DENND1A: variants seen among roughly 807,000 people sequenced by gnomAD.
DENND1A encodes DENN domain-containing protein 1A.
In DENND1A, 51 loss-of-function variants were observed where a neutral mutation model predicts 113.7. That is an observed-to-expected ratio of 0.45 (90% CI 0.36 to 0.57). The LOEUF is 0.57. DENND1A is among the 20% of genes least tolerant of loss of function. DENND1A has a pLI of 0.00. For missense variants in DENND1A, 1,258 were observed against 1,395.9 expected (o/e 0.90, Z 1.57); for synonymous variants, 565 against 570.8 (o/e 0.99, Z 0.14).
chr9:123,877,943 T>C (rs912611289), intron 2 of DENND1A, among the ~76,000 whole-genome samples: 1 of 152,230 alleles, frequency 6.6e-6, no homozygotes, highest in Admixed American at 6.5e-5. Context: ...GCTATTCACT[T>C]TGTTCATTCT....
At chr9:123,590,430 C>T (rs865951021) in intron 11 of DENND1A, among the ~76,000 whole-genome samples, 1 of 152,152 alleles carries the variant, frequency 6.6e-6, no homozygotes, top group Admixed American at 6.5e-5. Flanking sequence ...TTAATCTCTA[C>T]CATCCACCAG....
chr9:123,902,184 CACACACACACACACACACACACAT>C (rs1471276857), intron 1 of DENND1A, among the ~76,000 whole-genome samples: 3 of 150,810 alleles, frequency 2.0e-5, no homozygotes, highest in Non-Finnish European at 4.4e-5. Flanking sequence ...TACACACACA[CACACACACACACACACACACACAT>C]ACACACACAC....
At chr9:123,682,489 A>G (rs1226539649) in intron 5 of DENND1A, among the ~76,000 whole-genome samples, 1 of 152,120 alleles carries the variant, frequency 6.6e-6, no homozygotes, top group East Asian at 1.9e-4. Flanking sequence ...GATTTTGCCA[A>G]CGTGTTTCCA....
intron 13 of DENND1A, among the ~76,000 whole-genome samples, chr9:123,490,692 A>G (rs548487071): frequency 2.2e-4 from 33 of 152,326 alleles, no homozygotes; most frequent in African/African-American, 7.0e-4. Flanking sequence ...AAAACAAGGT[A>G]AATTAATCTT....
intron 13 of DENND1A, among the ~76,000 whole-genome samples, chr9:123,507,016 T>C (rs993333077): frequency 1.3e-5 from 2 of 152,006 alleles, no homozygotes; most frequent in African/African-American, 4.8e-5. Flanking sequence ...TGAAACTCAG[T>C]CTCTACTAAA....
intron 11 of DENND1A, among the ~76,000 whole-genome samples, chr9:123,586,636 G>A (rs2059177812): frequency 6.6e-6 from 1 of 152,178 alleles, no homozygotes; most frequent in Admixed American, 6.5e-5. Context: ...GGACTCAAGG[G>A]CCTTCCTGAA....
At chr9:123,586,096 C>T (rs1174163715) in intron 11 of DENND1A, among the ~76,000 whole-genome samples, 1 of 152,080 alleles carries the variant, frequency 6.6e-6, no homozygotes, top group African/African-American at 2.4e-5. Context: ...CAGAGAAGGA[C>T]TCACAACATC....
At chr9:123,761,087 T>A (rs770062298) in intron 4 of DENND1A, among the ~76,000 whole-genome samples, 82 of 152,316 alleles carry the variant, frequency 5.4e-4, no homozygotes, top group Middle Eastern at 3.4e-3. Flanking sequence ...TGCACCTGAC[T>A]TGTGAATTGT....
intron 4 of DENND1A, chr9:123,759,804 G>C (rs755953259): frequency 1.3e-5 from 2 of 152,124 alleles, no homozygotes; most frequent in Non-Finnish European, 2.9e-5. Context: ...AGAGTGAATG[G>C]GTTTCCCTAC....
intron 11 of DENND1A, among the ~76,000 whole-genome samples, chr9:123,585,419 C>T (rs779505870): frequency 6.6e-6 from 1 of 152,128 alleles, no homozygotes; most frequent in Non-Finnish European, 1.5e-5. Flanking sequence ...CAGTTTTTAC[C>T]AAAGTAATGG....
chr9:123,903,107 C>T (rs913681171), intron 1 of DENND1A, among the ~76,000 whole-genome samples: 45 of 151,554 alleles, frequency 3.0e-4, no homozygotes, highest in South Asian at 1.2e-3. Context: ...CCGAGGCAGG[C>T]GGATCACGAG....
chr9:123,721,324 C>A (rs1355663666), intron 5 of DENND1A, among the ~76,000 whole-genome samples: 1 of 152,240 alleles, frequency 6.6e-6, no homozygotes, highest in Non-Finnish European at 1.5e-5. Flanking sequence ...TCCAGGCATA[C>A]TGAATGCTCC....
chr9:123,595,668 C>A (rs1419448407), intron 11 of DENND1A, among the ~76,000 whole-genome samples: 1 of 152,126 alleles, frequency 6.6e-6, no homozygotes, highest in African/African-American at 2.4e-5. Context: ...AGGCACTCAG[C>A]CTTCTCTAGC....
chr9:123,416,779 G>A (rs2044762779), intron 19 of DENND1A, among the ~76,000 whole-genome samples: 1 of 152,212 alleles, frequency 6.6e-6, no homozygotes, highest in Non-Finnish European at 1.5e-5. Flanking sequence ...AGGGGAAGCA[G>A]ATGGACTGTC....
At chr9:123,461,332 G>C (rs1013314874) in intron 13 of DENND1A, among the ~76,000 whole-genome samples, 3 of 152,230 alleles carry the variant, frequency 2.0e-5, no homozygotes, top group African/African-American at 7.2e-5. Flanking sequence ...GCCCCAGGAA[G>C]AGCCCAGCCC....
intron 5 of DENND1A, among the ~76,000 whole-genome samples, chr9:123,702,928 C>T (rs1470491497): frequency 6.6e-6 from 1 of 152,196 alleles, no homozygotes; most frequent in Non-Finnish European, 1.5e-5. Context: ...GTATGTAAGT[C>T]CCTTATATCA....
At chr9:123,689,528 T>C (rs922544033) in intron 5 of DENND1A, among the ~76,000 whole-genome samples, 1 of 152,314 alleles carries the variant, frequency 6.6e-6, no homozygotes, top group Admixed American at 6.5e-5. Flanking sequence ...TTATTACTTA[T>C]AACAGCACAA....
At chr9:123,865,546 C>T (rs1028091232) in intron 2 of DENND1A, among the ~76,000 whole-genome samples, 2 of 152,164 alleles carry the variant, frequency 1.3e-5, no homozygotes, top group East Asian at 1.9e-4. Flanking sequence ...CAGGGGATGT[C>T]CCCCCAGGGC....
intron 19 of DENND1A, among the ~76,000 whole-genome samples, chr9:123,429,005 A>G (rs1389408795): frequency 6.6e-6 from 1 of 152,214 alleles, no homozygotes; most frequent in South Asian, 2.1e-4. Context: ...CCATTAAACT[A>G]CCATTGACAT....
Sources: allele counts gnomAD v4.1 joint callset (sites outside exome capture counted in the v4.1 genomes callset), GRCh38; gene constraint gnomAD v4.1.1; transcripts MANE v1.5; gene names NCBI Gene and HGNC (gene_info 2026-07-23, HGNC 2026-07-21).